The following IBTK variants were observed in gnomAD, a reference collection of about 807,000 sequenced individuals.
IBTK encodes inhibitor of Bruton tyrosine kinase.
Under a neutral mutation model 154.9 loss-of-function variants are expected in IBTK, and 83 were observed. The observed-to-expected ratio is 0.54, with a 90% confidence interval of 0.45 to 0.64. The LOEUF is 0.64. Among genes scored for constraint, IBTK ranks in the 30% least tolerant of loss-of-function variants. The pLI is 0.00. For synonymous variants in IBTK, 515 were observed against 536.1 expected (o/e 0.96, Z 0.54); for missense variants, 1,332 against 1,584.6 (o/e 0.84, Z 2.71).
At chr6:82,233,633 C>T (rs912052006) in intron 3 of IBTK, among the ~76,000 whole-genome samples, 2 of 142,688 alleles carry the variant, frequency 1.4e-5, no homozygotes, top group African/African-American at 5.3e-5. Context: ...AAATAAATTT[C>T]CCCACTACTT....
At chr6:82,213,317 C>T (rs1016866310) in intron 12 of IBTK, among the ~76,000 whole-genome samples, 6 of 152,198 alleles carry the variant, frequency 3.9e-5, no homozygotes, top group South Asian at 2.1e-4. Flanking sequence ...GCGTGAGCCA[C>T]CGCGCCCGGC....
rs2127819797 is a variant in IBTK at position 82,222,406 on chromosome 6, T to C, written c.1124+1034A>G. On this transcript the variant is annotated intron_variant, in intron 8 of 28. Transcript: ENST00000306270. The stretch of plus-strand genomic sequence containing the variant: ...TATCCACTTTCAAGAATCATTTATA[T>C]TTGTACAATGACCTATTTAAGTACT... Among the ~76,000 whole-genome samples the C allele has an allele frequency of 1.3e-5, 2 of 152,310 alleles. 1 individual carries two copies. The highest frequency in any genetic ancestry group is 3.9e-4 in the East Asian group (2 of 5,182).
In IBTK at chr6:82,181,929, T is replaced by C. The variant is rs1582184589; in HGVS notation, c.3675A>G (p.Lys1225=). 1 of 1,593,246 alleles carries C rather than the reference T, an allele frequency of 6.3e-7. No homozygotes were observed. Among genetic ancestry groups the C allele is most frequent in the East Asian group, 2.3e-5 (1 of 44,394 alleles). Residue 1225 remains lysine, a synonymous_variant, in exon 26 of 29, where the codon AAA becomes AAG. Coordinates refer to ENST00000306270, the MANE Select transcript of IBTK (RefSeq NM_015525.4). ...TTTCAATTCCTTTAAAAGAAACTTT[T>C]TTGACATGATCGCCTGAACTATGGC... ...VTSHSSGDHV[K]KVSFKGIENS...
chr6:82,241,992 T>C (rs565809119), intron 1 of IBTK, among the ~76,000 whole-genome samples: 7 of 152,364 alleles, frequency 4.6e-5, no homozygotes, highest in African/African-American at 1.4e-4. Flanking sequence ...TCTTAACTAC[T>C]TTGATTTCTC....
chr6:82,219,125 C>A (rs888254266), intron 9 of IBTK, among the ~76,000 whole-genome samples: 46 of 147,990 alleles, frequency 3.1e-4, no homozygotes, highest in African/African-American at 1.1e-3. Flanking sequence ...TTTTTTTTTT[C>A]CTTCAACTTT....
chr6:82,212,141 C>A (rs1427491780), intron 13 of IBTK, among the ~76,000 whole-genome samples: 1 of 151,942 alleles, frequency 6.6e-6, no homozygotes, highest in African/African-American at 2.4e-5. Flanking sequence ...ATCACAGGCA[C>A]CCGCCACTAT....
intron 6 of IBTK, 54 bp from the exon 7 acceptor site, chr6:82,224,239 A>G: frequency 7.8e-7 from 1 of 1,275,094 alleles, no homozygotes; most frequent in South Asian, 1.2e-5. Context: ...ACCTAGTACA[A>G]TTTTTTAAAG....
At chr6:82,243,700 T>C (rs900008496) in intron 1 of IBTK, among the ~76,000 whole-genome samples, 3 of 152,210 alleles carry the variant, frequency 2.0e-5, no homozygotes, top group African/African-American at 7.2e-5. Flanking sequence ...ATTTATTGTA[T>C]GTGGCAAAAT....
intron 26 of IBTK, among the ~76,000 whole-genome samples, chr6:82,181,376 A>G (rs1457582742): frequency 6.6e-6 from 1 of 152,242 alleles, no homozygotes; most frequent in African/African-American, 2.4e-5. Flanking sequence ...ATGGATACCC[A>G]TAACAGCATG....
In IBTK at chr6:82,196,447, C is replaced by A. The variant is rs772585649; in HGVS notation, c.3026-1G>T. The A allele has an allele frequency of 6.3e-7, 1 of 1,588,518 alleles. No homozygotes were observed. Among genetic ancestry groups the A allele is most frequent in the Non-Finnish European group, 8.6e-7 (1 of 1,168,606 alleles). ...TTGGTCTTACCAGACTTTAATAATC[C>A]TAAAACATGAAATTAAAAAAAATTA... On this transcript the variant is annotated splice_acceptor_variant, in intron 21 of 28. Transcript: ENST00000306270. LOFTEE classifies it high-confidence loss of function.
At chr6:82,212,657 T>G (rs1237196866) in intron 13 of IBTK, 50 bp downstream of exon 13, 2 of 1,210,132 alleles carry the variant, frequency 1.7e-6, no homozygotes, top group Non-Finnish European at 1.2e-6. Context: ...TTTCCACACT[T>G]AAGTGCCAAA....
intron 2 of IBTK, among the ~76,000 whole-genome samples, chr6:82,235,848 T>C (rs112773946): frequency 2.0e-4 from 31 of 152,214 alleles, no homozygotes; most frequent in African/African-American, 7.2e-4. Context: ...CATGTTCCTA[T>C]TTGTTCATTA....
rs1317988240 is a variant in IBTK, at chr6:82,211,022, T to C, written c.2413-112A>G. On this transcript the variant is annotated intron_variant, in intron 15 of 28. Coordinates refer to ENST00000306270, the MANE Select transcript of IBTK (RefSeq NM_015525.4). Reference sequence around the variant, plus strand: ...ACTCTGAACAGGAAATCACATCAAATGCAAAACATAAAATTTACAAAACAC... The same window carrying C: ...ACTCTGAACAGGAAATCACATCAAACGCAAAACATAAAATTTACAAAACAC... 9.9e-6 allele frequency: 5 copies of C among 502,916 alleles called. No individual in the cohort carries two copies. In the East Asian group the frequency reaches 1.0e-4, roughly 10 times the overall value. 31.2% of individuals were successfully genotyped at this position (502,916 alleles called of 1,614,324 possible).
rs555608333 is a variant in IBTK at position 82,187,323 on chromosome 6, G to A, written c.3575+3750C>T. Among the ~76,000 whole-genome samples, 48 of 152,110 alleles carry A rather than the reference G, an allele frequency of 3.2e-4. No individual in the cohort carries two copies. The South Asian group carries it at 9.7e-3, about 31-fold the overall frequency. ...GAATTCTCCTTAATATGCCATAATA[G>A]ACTCTTAAAATTTGGATAGATAGTC... is the stretch of plus-strand genomic sequence containing the variant. On this transcript the variant is annotated intron_variant, in intron 25 of 28. Transcript: ENST00000306270.
chr6:82,222,548 T>C (rs1295885962), intron 8 of IBTK, among the ~76,000 whole-genome samples: 1 of 152,200 alleles, frequency 6.6e-6, no homozygotes, highest in Non-Finnish European at 1.5e-5. Context: ...TACTTTGGAA[T>C]GGCACAATAA....
At chr6:82,219,628 T>C (rs1323634154) in intron 9 of IBTK, among the ~76,000 whole-genome samples, 2 of 113,758 alleles carry the variant, frequency 1.8e-5, no homozygotes, top group Non-Finnish European at 3.3e-5. Flanking sequence ...TATAAATACA[T>C]TAATTGAAGC....
At position 82,224,127 on chromosome 6, in the gene IBTK, T is replaced by C. The variant is rs1268881982; in HGVS notation, c.884A>G (p.His295Arg). ...AGCTTCTCTAGTCCATAGGACTGTA[T>C]GAAACCTGCCTGCTGCAACGCCAAT... ...TIIGVAAGRFHTVLWTREAVY... is the reference protein window; with the variant it reads ...TIIGVAAGRFRTVLWTREAVY... Residue 295 changes from histidine to arginine, a missense_variant, in exon 7 of 29, where the codon CAT (histidine) becomes CGT (arginine). His to Arg is a conservative substitution (Grantham distance 29). Transcript: ENST00000306270. 1 of 1,614,104 alleles carries C rather than the reference T, an allele frequency of 6.2e-7. No homozygotes were observed. Among genetic ancestry groups the C allele is most frequent in the Non-Finnish European group, 8.5e-7 (1 of 1,179,924 alleles).
Position 82,171,951 on chromosome 6 carries a change from T to A in IBTK, c.3931-395A>T, listed in dbSNP as rs117591739. On this transcript the variant is annotated intron_variant, in intron 28 of 28. Transcript: ENST00000306270. ...TCTTTTCTGTTTCCAAGCCTGGCTG[T>A]CTGGTCTTTCAGCTAAGTCTATGGA... 4.5e-4 allele frequency among the ~76,000 whole-genome samples: 69 copies of A among 152,362 alleles called. No individual in the cohort carries two copies. In the East Asian group the frequency reaches 0.012, roughly 27 times the overall value.
intron 11 of IBTK, among the ~76,000 whole-genome samples, chr6:82,215,588 A>T (rs1275631671): frequency 6.6e-6 from 1 of 152,032 alleles, no homozygotes. Flanking sequence ...GGTGGTCAAG[A>T]CCAGCCTGGC....
Sources: gnomAD v4.1 joint callset for allele counts (sites outside exome capture counted in the v4.1 genomes callset) on GRCh38, gnomAD v4.1.1 for gene constraint, MANE v1.5 for transcripts, NCBI Gene and HGNC (gene_info 2026-07-23, HGNC 2026-07-21) for gene names.